Variants in NKAIN3 observed in about 807,000 individuals in gnomAD.
NKAIN3 encodes the protein sodium/potassium-transporting ATPase subunit beta-1-interacting protein 3.
In NKAIN3, 25 loss-of-function variants were observed where a neutral mutation model predicts 30.2. The observed-to-expected ratio is 0.83, with a 90% confidence interval of 0.60 to 1.16. The LOEUF (loss-of-function observed/expected upper bound fraction) is 1.16, where lower values mean the gene tolerates loss of function less well. NKAIN3 is among the 50% of genes most tolerant of loss of function. The probability of loss-of-function intolerance (pLI) is 0.00; values close to 1 mark genes in which losing one functional copy is unlikely to be tolerated. For missense variants in NKAIN3, 225 were observed against 254.1 expected (o/e 0.89, Z 0.78); for synonymous variants, 91 against 89.6 (o/e 1.02, Z -0.09).
At chr8:62,738,174 T>A (rs905857465) in intron 3 of NKAIN3, among the ~76,000 whole-genome samples, 1 of 152,278 alleles carries the variant, frequency 6.6e-6, no homozygotes, top group East Asian at 1.9e-4. Flanking sequence ...CTCTCCAGCA[T>A]CTGTTGTTTC....
At chr8:62,921,041 C>T (rs1305682523) in intron 5 of NKAIN3, among the ~76,000 whole-genome samples, 1 of 152,178 alleles carries the variant, frequency 6.6e-6, no homozygotes, top group Non-Finnish European at 1.5e-5. Context: ...TTGCAATGAT[C>T]TCATACACTA....
At chr8:62,500,828 C>T (rs567346487) in intron 1 of NKAIN3, among the ~76,000 whole-genome samples, 3 of 152,170 alleles carry the variant, frequency 2.0e-5, no homozygotes, top group Non-Finnish European at 4.4e-5. Context: ...TATTTTGTTC[C>T]TCCTATGGAG....
chr8:62,931,740 G>C (rs1391961532), intron 5 of NKAIN3, among the ~76,000 whole-genome samples: 2 of 152,086 alleles, frequency 1.3e-5, no homozygotes, highest in Non-Finnish European at 2.9e-5. Flanking sequence ...GGACTCAAAG[G>C]ACATTAGATT....
rs181149968 is a variant in NKAIN3 at position 62,464,912 on chromosome 8, G to A, written c.55-114627G>A. Among the ~76,000 whole-genome samples, 267 of 152,246 alleles carry A rather than the reference G, an allele frequency of 1.8e-3. 1 individual carries two copies. The highest frequency in any genetic ancestry group is 6.2e-3 in the African/African-American group (257 of 41,554). ...ACAATTTATTTGCAAAAATAACTGG[G>A]AGTATTATTTATAGGTGAAGATAGA... On this transcript the variant is annotated intron_variant, in intron 1 of 6. Transcript: ENST00000623646.
chr8:62,494,844 T>A (rs1204621761), intron 1 of NKAIN3, among the ~76,000 whole-genome samples: 2 of 152,138 alleles, frequency 1.3e-5, no homozygotes, highest in Non-Finnish European at 2.9e-5. Flanking sequence ...TTTTATAGGG[T>A]CAGTGGTAAT....
intron 1 of NKAIN3, among the ~76,000 whole-genome samples, chr8:62,550,970 C>T (rs1809188599): frequency 6.6e-6 from 1 of 152,166 alleles, no homozygotes; most frequent in Non-Finnish European, 1.5e-5. Context: ...TCTGCCACTG[C>T]ACTGCAGTTT....
At chr8:62,927,882 C>T (rs1049267966) in intron 5 of NKAIN3, among the ~76,000 whole-genome samples, 1 of 152,082 alleles carries the variant, frequency 6.6e-6, no homozygotes, top group African/African-American at 2.4e-5. Flanking sequence ...AGATGTTTAT[C>T]CTTTTAAATA....
chr8:62,658,301 A>C (rs956797863), intron 3 of NKAIN3, among the ~76,000 whole-genome samples: 18 of 152,308 alleles, frequency 1.2e-4, no homozygotes, highest in Non-Finnish European at 2.1e-4. Context: ...CAGACATCAT[A>C]AACACGGCAC....
At chr8:62,940,543 T>C (rs188484167) in intron 5 of NKAIN3, among the ~76,000 whole-genome samples, 51 of 152,110 alleles carry the variant, frequency 3.4e-4, no homozygotes, top group African/African-American at 1.1e-3. Context: ...AACAAATTTA[T>C]GAAAATTGAA....
intron 4 of NKAIN3, among the ~76,000 whole-genome samples, chr8:62,778,833 G>C (rs895975106): frequency 1.3e-5 from 2 of 152,028 alleles, no homozygotes; most frequent in Non-Finnish European, 2.9e-5. Context: ...CCTGAAGCCA[G>C]AATATCTTTG....
At chr8:62,446,914 A>C (rs4738972) in intron 1 of NKAIN3, among the ~76,000 whole-genome samples, 3 of 151,808 alleles carry the variant, frequency 2.0e-5, no homozygotes, top group Non-Finnish European at 2.9e-5. Flanking sequence ...AATGCTGTTA[A>C]AAACATTGGT....
chr8:62,934,916 T>C (rs1822735148), intron 5 of NKAIN3, among the ~76,000 whole-genome samples: 2 of 152,070 alleles, frequency 1.3e-5, no homozygotes, highest in African/African-American at 2.4e-5. Flanking sequence ...GCACCAGGCA[T>C]TGACCTGCCC....
At chr8:62,572,053 A>C (rs1232506039) in intron 1 of NKAIN3, among the ~76,000 whole-genome samples, 1 of 152,156 alleles carries the variant, frequency 6.6e-6, no homozygotes, top group Non-Finnish European at 1.5e-5. Context: ...TTCACCTCAG[A>C]AAATGGGATT....
At chr8:62,709,394 C>T (rs540565575) in intron 3 of NKAIN3, among the ~76,000 whole-genome samples, 66 of 152,198 alleles carry the variant, frequency 4.3e-4, no homozygotes, top group African/African-American at 1.5e-3. Context: ...ATTTCAATCT[C>T]GCTACTTGTT....
At chr8:62,866,245 T>A (rs1367709836) in intron 4 of NKAIN3, among the ~76,000 whole-genome samples, 2 of 152,134 alleles carry the variant, frequency 1.3e-5, no homozygotes, top group Non-Finnish European at 2.9e-5. Context: ...AAAAAATACA[T>A]ATATTTTCGA....
At chr8:62,256,655 G>T (rs556838812) in intron 1 of NKAIN3, among the ~76,000 whole-genome samples, 1 of 152,260 alleles carries the variant, frequency 6.6e-6, no homozygotes, top group East Asian at 1.9e-4. Context: ...GCTCTTTTAG[G>T]TCGTAGGCTG....
intron 4 of NKAIN3, among the ~76,000 whole-genome samples, chr8:62,902,568 G>T (rs561489969): frequency 1.8e-4 from 27 of 152,148 alleles, no homozygotes; most frequent in Non-Finnish European, 3.7e-4. Flanking sequence ...CCAAGACCTT[G>T]CCTGTCACAT....
At chr8:62,710,741 ATTG>A in intron 3 of NKAIN3, among the ~76,000 whole-genome samples, 1 of 152,188 alleles carries the variant, frequency 6.6e-6, no homozygotes, top group African/African-American at 2.4e-5. Flanking sequence ...AGTATGAGGT[ATTG>A]TTGTATTCAT....
intron 1 of NKAIN3, among the ~76,000 whole-genome samples, chr8:62,552,812 A>G (rs79934071): frequency 6.6e-6 from 1 of 152,204 alleles, no homozygotes; most frequent in Non-Finnish European, 1.5e-5. Flanking sequence ...CAACAACACA[A>G]TCACTAGAAG....
Sources: gnomAD v4.1 joint callset for allele counts (sites outside exome capture counted in the v4.1 genomes callset) on GRCh38, gnomAD v4.1.1 for gene constraint, MANE v1.5 for transcripts, NCBI Gene and HGNC (gene_info 2026-07-23, HGNC 2026-07-21) for gene names.